The following LRRFIP2 variants were observed in gnomAD, a reference collection of about 807,000 sequenced individuals.
The protein encoded by LRRFIP2 is LRR binding FLII interacting protein 2, also known as leucine-rich repeat flightless-interacting protein 2.
A neutral mutation model predicts 125.9 loss-of-function variants in LRRFIP2; 109 were observed. The observed-to-expected ratio is 0.87, with a 90% CI of 0.74 to 1.01. The LOEUF (loss-of-function observed/expected upper bound fraction) is 1.01. LRRFIP2 is among the 50% of genes least tolerant of loss of function. The pLI, the probability that LRRFIP2 is intolerant of heterozygous loss-of-function variation, is 0.00. For synonymous variants in LRRFIP2, 291 were observed against 293.1 expected, an observed-to-expected ratio of 0.99 and a Z score of 0.07; for missense variants, 850 against 862.3, an observed-to-expected ratio of 0.99 and a Z score of 0.18.
chr3:37,066,568 T>C (rs1474661472), intron 21 of LRRFIP2: 2 of 442,094 alleles, frequency 4.5e-6, no homozygotes, highest in Non-Finnish European at 8.3e-6. Flanking sequence ...ACATGTTTAA[T>C]CACATCAAGC....
intron 19 of LRRFIP2, among the ~76,000 whole-genome samples, chr3:37,076,712 C>G (rs1298649592): frequency 2.0e-5 from 3 of 151,462 alleles, no homozygotes; most frequent in Non-Finnish European, 2.9e-5. Flanking sequence ...ACTAAAAATA[C>G]AAAATTAGTC....
intron 19 of LRRFIP2, among the ~76,000 whole-genome samples, chr3:37,081,118 C>T (rs1427208169): frequency 1.3e-5 from 2 of 152,144 alleles, no homozygotes; most frequent in Non-Finnish European, 2.9e-5. Flanking sequence ...AACAGCCAGG[C>T]ATGGTAGCAT....
intron 18 of LRRFIP2, among the ~76,000 whole-genome samples, chr3:37,084,815 T>C (rs1463469850): frequency 2.6e-5 from 4 of 152,082 alleles, no homozygotes; most frequent in Non-Finnish European, 5.9e-5. Context: ...TGTAACTATA[T>C]CTACTTTGGT....
intron 2 of LRRFIP2, among the ~76,000 whole-genome samples, chr3:37,132,073 G>C (rs2095441176): frequency 6.6e-6 from 1 of 151,678 alleles, no homozygotes; most frequent in African/African-American, 2.4e-5. Context: ...CAAAACCTAT[G>C]CTCTGCTTCA....
At chr3:37,170,310 TAAGGGTGGAAC>T (rs1011095929) in intron 1 of LRRFIP2, 1 of 152,226 alleles carries the variant, frequency 6.6e-6, no homozygotes, top group Non-Finnish European at 1.5e-5. Context: ...AACCTTGGTC[TAAGGGTGGAAC>T]ACTAAGTTCT....
chr3:37,135,850 A>G (rs532331990), intron 2 of LRRFIP2, among the ~76,000 whole-genome samples: 2 of 152,352 alleles, frequency 1.3e-5, no homozygotes, highest in East Asian at 3.9e-4. Flanking sequence ...TACAGGGGTA[A>G]ATGTAAAATG....
chr3:37,125,430 T>C (rs1438832417), intron 4 of LRRFIP2, among the ~76,000 whole-genome samples: 1 of 152,210 alleles, frequency 6.6e-6, no homozygotes, highest in Non-Finnish European at 1.5e-5. Context: ...GGTCCTTTTC[T>C]TCCTGGTCCT....
chr3:37,110,922 C>T, intron 9 of LRRFIP2, 69 bp downstream of exon 9: 1 of 1,446,020 alleles, frequency 6.9e-7, no homozygotes, highest in South Asian at 1.2e-5. Context: ...AGTCAAAATG[C>T]AAAATGGGGA....
At position 37,072,776 on chromosome 3, in the gene LRRFIP2, A is replaced by G; in HGVS notation, c.1464+14T>C. 1.3e-6 allele frequency: 2 copies of G among 1,570,868 alleles called. No individual in the cohort carries two copies. The highest frequency in any genetic ancestry group is 1.8e-6 in the Non-Finnish European group (2 of 1,141,770). ...TCAATGAGCTTCTAACCAAAGCCCA[A>G]TTTCATTTCATACCCCAATTTTTTT... On this transcript the variant is annotated intron_variant, in intron 21 of 27. Coordinates refer to ENST00000336686, the MANE Select transcript of LRRFIP2 (RefSeq NM_006309.4).
At chr3:37,166,512 TAA>T (rs2096492607) in intron 1 of LRRFIP2, among the ~76,000 whole-genome samples, 1 of 151,906 alleles carries the variant, frequency 6.6e-6, no homozygotes, top group Non-Finnish European at 1.5e-5. Flanking sequence ...ATTAAAAAGA[TAA>T]AAGACATAAG....
At chr3:37,134,734 T>C in intron 2 of LRRFIP2, 1 of 781,342 alleles carries the variant, frequency 1.3e-6, no homozygotes, top group South Asian at 1.3e-5. Flanking sequence ...GCAGGTCCAG[T>C]TGAGGATGGT....
chr3:37,083,979 T>C (rs748287999), intron 18 of LRRFIP2, among the ~76,000 whole-genome samples, 173 bp from the exon 19 acceptor site: 2 of 152,172 alleles, frequency 1.3e-5, no homozygotes, highest in Non-Finnish European at 2.9e-5. Context: ...AAGACAATAA[T>C]AAGCCGATAA....
rs2095032581 is a variant in LRRFIP2 at position 37,121,419 on chromosome 3, A to T, written c.330+73T>A. ...CAAAGAAATACAGGAACATTGTCAG[A>T]TTGTTTAGGCAACATTATTGAAGAA... is the stretch of plus-strand genomic sequence containing the variant. On this transcript the variant is annotated intron_variant, in intron 6 of 27. Transcript: ENST00000336686. The T allele has an allele frequency of 5.1e-6, 7 of 1,378,238 alleles. No individual in the cohort carries two copies. The South Asian group carries it at 8.3e-5, about 16-fold the overall frequency. 85.4% of individuals were successfully genotyped at this position (1,378,238 alleles called of 1,614,324 possible). A position where few individuals can be genotyped will look rare whatever the true frequency, so the allele number is the denominator to read the frequency against.
At chr3:37,088,819 AAAAAT>A (rs1287971312) in intron 18 of LRRFIP2, among the ~76,000 whole-genome samples, 1 of 148,762 alleles carries the variant, frequency 6.7e-6, no homozygotes, top group Non-Finnish European at 1.5e-5. Context: ...TTTTAAATAA[AAAAAT>A]AAAATTTTAA....
chr3:37,120,193 G>A (rs958774331), intron 6 of LRRFIP2, among the ~76,000 whole-genome samples: 11 of 144,620 alleles, frequency 7.6e-5, no homozygotes, highest in East Asian at 2.1e-4. Flanking sequence ...GGCAACCTCC[G>A]CCTTCCAGGT....
At chr3:37,112,336 AAAAAAG>A (rs1184547047) in intron 8 of LRRFIP2, among the ~76,000 whole-genome samples, 3 of 151,354 alleles carry the variant, frequency 2.0e-5, no homozygotes, top group African/African-American at 7.3e-5. Flanking sequence ...CTCCATCTCA[AAAAAAG>A]AAAAAAAAAA....
chr3:37,157,915 C>T (rs1189271763), intron 1 of LRRFIP2, among the ~76,000 whole-genome samples: 1 of 152,156 alleles, frequency 6.6e-6, no homozygotes, highest in Non-Finnish European at 1.5e-5. Context: ...TAAGAATTAT[C>T]AAAAATATTT....
chr3:37,132,335 C>T (rs1002092351), intron 2 of LRRFIP2, among the ~76,000 whole-genome samples: 1 of 152,136 alleles, frequency 6.6e-6, no homozygotes. Flanking sequence ...CTAATTTTAT[C>T]CTTCTAAGAT....
At chr3:37,166,614 T>C (rs2096494548) in intron 1 of LRRFIP2, among the ~76,000 whole-genome samples, 1 of 152,010 alleles carries the variant, frequency 6.6e-6, no homozygotes, top group South Asian at 2.1e-4. Flanking sequence ...TCCCAGCACT[T>C]TGGGAGGCTG....
Sources: allele counts gnomAD v4.1 joint callset (sites outside exome capture counted in the v4.1 genomes callset), GRCh38; gene constraint gnomAD v4.1.1; transcripts MANE v1.5; gene names NCBI Gene and HGNC (gene_info 2026-07-23, HGNC 2026-07-21).